ERBB4: variants seen among roughly 807,000 people sequenced by gnomAD.
ERBB4 encodes erb-b2 receptor tyrosine kinase 4.
Under a neutral mutation model 158.0 loss-of-function variants are expected in ERBB4, and 42 were observed. The ratio of observed to expected loss-of-function variants is 0.27; its 90% CI spans 0.21 to 0.34. The LOEUF (loss-of-function observed/expected upper bound fraction) is 0.34, where lower values mean the gene tolerates loss of function less well. Among genes scored for constraint, ERBB4 ranks in the 10% least tolerant of loss-of-function variants. The pLI, the probability that ERBB4 is intolerant of heterozygous loss-of-function variation, is 1.00. For synonymous variants in ERBB4, 583 were observed against 558.7 expected (o/e 1.04, Z -0.61); for missense variants, 1,333 against 1,624.1 (o/e 0.82, Z 3.08).
intron 1 of ERBB4, among the ~76,000 whole-genome samples, chr2:212,315,033 T>C (rs984988060): frequency 1.3e-5 from 2 of 151,378 alleles, no homozygotes; most frequent in Non-Finnish European, 3.0e-5. Context: ...ACTGAAGTCA[T>C]GAGGGAACAG....
At chr2:211,386,556 TGTTTAGAATAG>T (rs1383834725) in intron 27 of ERBB4, among the ~76,000 whole-genome samples, 1 of 152,208 alleles carries the variant, frequency 6.6e-6, no homozygotes. Flanking sequence ...CAACAAAATA[TGTTTAGAATAG>T]TGCTTCTCAA....
intron 27 of ERBB4, 110 bp downstream of exon 27, chr2:211,386,743 A>G: frequency 9.8e-7 from 1 of 1,021,768 alleles, no homozygotes; most frequent in Non-Finnish European, 1.5e-6. Flanking sequence ...CCTTTACTGG[A>G]TCACAAATGT....
At chr2:211,391,579 TG>T (rs1419433060) in intron 25 of ERBB4, among the ~76,000 whole-genome samples, 2 of 152,162 alleles carry the variant, frequency 1.3e-5, no homozygotes, top group African/African-American at 4.8e-5. Flanking sequence ...TTTAATTCTG[TG>T]GCCATATCGC....
chr2:211,985,245 T>C (rs981290743), intron 2 of ERBB4, among the ~76,000 whole-genome samples: 4 of 152,168 alleles, frequency 2.6e-5, no homozygotes, highest in African/African-American at 9.6e-5. Context: ...GTTTTCTGAA[T>C]GTGATAGACT....
chr2:211,714,668 C>T (rs76786588), intron 7 of ERBB4, among the ~76,000 whole-genome samples: 1 of 152,192 alleles, frequency 6.6e-6, no homozygotes, highest in East Asian at 1.9e-4. Flanking sequence ...ATTTAATAAA[C>T]AGCTTTTGAC....
chr2:211,679,307 T>C, intron 12 of ERBB4, 123 bp from the exon 13 acceptor site: 1 of 1,044,088 alleles, frequency 9.6e-7, no homozygotes, highest in South Asian at 1.4e-5. Context: ...ATGACTTTGG[T>C]GGCCTATCCC....
rs759469301 is a variant in ERBB4, at chr2:211,665,493, G to GA, written c.1717-17dup. ...TGTCAGGACCCTGAAATGTGAAAACGAAAAAAAAAGAAAAAAGAAAAGTGG... is the reference window on the plus strand; with the variant it reads ...TGTCAGGACCCTGAAATGTGAAAACGAAAAAAAAAAGAAAAAAGAAAAGTGG... On this transcript the variant is annotated splice_polypyrimidine_tract_variant and intron_variant, in intron 14 of 27. Coordinates refer to ENST00000342788, the MANE Select transcript of ERBB4 (RefSeq NM_005235.3). The GA allele has an allele frequency of 2.1e-4, 327 of 1,585,110 alleles. No individual in the cohort carries two copies. The highest frequency in any genetic ancestry group is 4.1e-4 in the Admixed American group (23 of 55,586).
intron 1 of ERBB4, 123 bp from the exon 2 acceptor site, chr2:212,125,026 C>A: frequency 8.3e-7 from 1 of 1,206,038 alleles, no homozygotes; most frequent in Non-Finnish European, 1.2e-6. Context: ...ATAAATATTT[C>A]GATCGTCATT....
intron 1 of ERBB4, among the ~76,000 whole-genome samples, chr2:212,167,188 A>G (rs1261436942): frequency 6.6e-6 from 1 of 152,108 alleles, no homozygotes; most frequent in African/African-American, 2.4e-5. Context: ...TGTACCATCT[A>G]CCCATCTGAC....
intron 1 of ERBB4, among the ~76,000 whole-genome samples, chr2:212,325,759 A>G (rs2087796551): frequency 6.6e-6 from 1 of 150,478 alleles, no homozygotes; most frequent in Non-Finnish European, 1.5e-5. Flanking sequence ...CTGGGTTAAA[A>G]TGCAGCACAA....
chr2:211,773,936 T>A (rs2075806488), intron 4 of ERBB4, among the ~76,000 whole-genome samples: 2 of 151,916 alleles, frequency 1.3e-5, no homozygotes, highest in Admixed American at 1.3e-4. Context: ...ATTGTCGATA[T>A]GGACTCTAGA....
intron 20 of ERBB4, among the ~76,000 whole-genome samples, chr2:211,537,487 A>T (rs2066688343): frequency 6.6e-6 from 1 of 152,016 alleles, no homozygotes; most frequent in South Asian, 2.1e-4. Flanking sequence ...ATAACATGTT[A>T]AGTCATTCGT....
chr2:212,106,304 T>C (rs2079224534), intron 2 of ERBB4, among the ~76,000 whole-genome samples: 1 of 152,156 alleles, frequency 6.6e-6, no homozygotes, highest in Admixed American at 6.5e-5. Context: ...GATGAAGAAC[T>C]TGTTGGGAAG....
chr2:211,515,606 G>T (rs2066001684), intron 20 of ERBB4, among the ~76,000 whole-genome samples: 1 of 151,736 alleles, frequency 6.6e-6, no homozygotes, highest in South Asian at 2.1e-4. Context: ...AATTTGGCTT[G>T]AAGATGACTA....
At chr2:212,443,303 T>C (rs2092289847) in intron 1 of ERBB4, among the ~76,000 whole-genome samples, 1 of 152,220 alleles carries the variant, frequency 6.6e-6, no homozygotes, top group South Asian at 2.1e-4. Context: ...TTAGATCCAG[T>C]GAGCAGAAAA....
chr2:212,030,030 C>T (rs891301261), intron 2 of ERBB4, among the ~76,000 whole-genome samples: 2 of 152,130 alleles, frequency 1.3e-5, no homozygotes, highest in African/African-American at 4.8e-5. Flanking sequence ...ATAAATAGCA[C>T]TTGTTGGGCT....
At chr2:212,214,745 C>T (rs186223773) in intron 1 of ERBB4, among the ~76,000 whole-genome samples, 1 of 151,696 alleles carries the variant, frequency 6.6e-6, no homozygotes, top group East Asian at 1.9e-4. Flanking sequence ...AATAATTCCA[C>T]TCCTATATAT....
intron 17 of ERBB4, among the ~76,000 whole-genome samples, chr2:211,629,140 A>G (rs1208595821): frequency 6.6e-6 from 1 of 152,164 alleles, no homozygotes; most frequent in Non-Finnish European, 1.5e-5. Flanking sequence ...GTATATCTAG[A>G]AAACCCAATC....
intron 1 of ERBB4, among the ~76,000 whole-genome samples, chr2:212,260,674 A>T (rs941396430): frequency 6.6e-6 from 1 of 151,966 alleles, no homozygotes; most frequent in African/African-American, 2.4e-5. Context: ...TTAGCTGAGC[A>T]TGGTGGCGGG....
Sources: allele counts gnomAD v4.1 joint callset (sites outside exome capture counted in the v4.1 genomes callset), GRCh38; gene constraint gnomAD v4.1.1; transcripts MANE v1.5; gene names NCBI Gene and HGNC (gene_info 2026-07-23, HGNC 2026-07-21).